Variants in CPXM2 observed in about 807,000 individuals in gnomAD.
The protein encoded by CPXM2 is inactive carboxypeptidase-like protein X2.
Under a neutral mutation model 86.1 loss-of-function variants are expected in CPXM2, and 66 were observed. The ratio of observed to expected loss-of-function variants is 0.77; its 90% CI spans 0.63 to 0.94. The LOEUF (loss-of-function observed/expected upper bound fraction) is 0.94. CPXM2 is among the 40% of genes least tolerant of loss of function. The probability of loss-of-function intolerance (pLI) is 0.00; values close to 1 mark genes in which losing one functional copy is unlikely to be tolerated. For missense variants in CPXM2, 948 were observed against 1,026.3 expected, an observed-to-expected ratio of 0.92 and a Z score of 1.04; for synonymous variants, 388 against 400.2, an observed-to-expected ratio of 0.97 and a Z score of 0.36.
intron 4 of CPXM2, 100 bp downstream of exon 4, chr10:123,842,249 A>C: frequency 6.7e-7 from 1 of 1,500,874 alleles, no homozygotes; most frequent in African/African-American, 1.4e-5. Flanking sequence ...ACTGCCCATC[A>C]CCAAACACCT....
chr10:123,849,458 G>A (rs547297932), intron 3 of CPXM2, among the ~76,000 whole-genome samples: 22 of 37,124 alleles, frequency 5.9e-4, no homozygotes, highest in Non-Finnish European at 1.1e-3. Context: ...TTTTTTTTTT[G>A]AGATGGAGTT....
upstream of CPXM2, among the ~76,000 whole-genome samples, chr10:123,940,786 G>C (rs953706380): frequency 6.6e-6 from 1 of 152,182 alleles, no homozygotes; most frequent in Admixed American, 6.5e-5. Context: ...GGACAAGCCT[G>C]GTGCTTCTTC....
intron 3 of CPXM2, among the ~76,000 whole-genome samples, chr10:123,858,398 T>A (rs1195466545): frequency 1.3e-5 from 2 of 152,172 alleles, no homozygotes; most frequent in African/African-American, 2.4e-5. Context: ...GATGAATAAA[T>A]CAATGTGAGA....
At chr10:123,915,430 C>A (rs914651410) in intron 2 of CPXM2, among the ~76,000 whole-genome samples, 1 of 152,096 alleles carries the variant, frequency 6.6e-6, no homozygotes, top group East Asian at 1.9e-4. Context: ...TGATGGCAGG[C>A]GCCTGTAGTC....
chr10:123,788,017 T>C (rs1018808706), intron 6 of CPXM2, among the ~76,000 whole-genome samples: 10 of 152,088 alleles, frequency 6.6e-5, no homozygotes, highest in East Asian at 5.8e-4. Flanking sequence ...CGGTGGCTCA[T>C]GCCTGTAATC....
intron 3 of CPXM2, among the ~76,000 whole-genome samples, chr10:123,857,240 A>T (rs541705937): frequency 6.6e-6 from 1 of 152,234 alleles, no homozygotes; most frequent in East Asian, 1.9e-4. Flanking sequence ...AAAAGGAAGT[A>T]TTGAGTTATA....
chr10:123,943,627 G>A (rs556040687), upstream of CPXM2, among the ~76,000 whole-genome samples: 24 of 152,310 alleles, frequency 1.6e-4, no homozygotes, highest in Admixed American at 1.4e-3. Context: ...AATAACAAAC[G>A]AGGTCCTAAA....
intron 6 of CPXM2, among the ~76,000 whole-genome samples, chr10:123,784,061 C>T (rs1414454256): frequency 6.6e-6 from 1 of 152,150 alleles, no homozygotes; most frequent in Admixed American, 6.5e-5. Flanking sequence ...TGTTGGAGTC[C>T]TCACCCCCAG....
chr10:123,787,470 A>G (rs1254055701), intron 6 of CPXM2, among the ~76,000 whole-genome samples: 1 of 152,038 alleles, frequency 6.6e-6, no homozygotes, highest in Non-Finnish European at 1.5e-5. Context: ...AGTAACTGGG[A>G]TTACAGGCAC....
chr10:123,766,672 G>C (rs145146321), intron 10 of CPXM2, among the ~76,000 whole-genome samples: 1 of 152,130 alleles, frequency 6.6e-6, no homozygotes, highest in East Asian at 1.9e-4. Context: ...TAATATAACC[G>C]ACAGTGAGAA....
intron 6 of CPXM2, among the ~76,000 whole-genome samples, chr10:123,794,733 C>CCG (rs1847287271): frequency 8.6e-6 from 1 of 116,010 alleles, no homozygotes; most frequent in African/African-American, 3.7e-5. Context: ...TTATTTAAGA[C>CCG]CGTGTGTGTG....
At chr10:123,898,969 C>T (rs1261667499) in intron 2 of CPXM2, among the ~76,000 whole-genome samples, 4 of 152,156 alleles carry the variant, frequency 2.6e-5, no homozygotes, top group Non-Finnish European at 4.4e-5. Flanking sequence ...AGGCTGGTCT[C>T]GAACTCCTGA....
chr10:123,876,427 G>C (rs1299487148), intron 2 of CPXM2, among the ~76,000 whole-genome samples: 4 of 152,250 alleles, frequency 2.6e-5, no homozygotes, highest in Admixed American at 6.5e-5. Context: ...AGAAAGGAGG[G>C]AACCAGCACC....
intron 2 of CPXM2, among the ~76,000 whole-genome samples, chr10:123,935,851 TCAC>T (rs1265655665): frequency 2.5e-5 from 2 of 80,696 alleles, no homozygotes; most frequent in Admixed American, 2.5e-4. Flanking sequence ...TTGACCATCA[TCAC>T]CACCACCACC....
chr10:123,938,333 T>C (rs11511758), intron 2 of CPXM2, among the ~76,000 whole-genome samples: 113,567 of 152,122 alleles, frequency 0.75, 42,901 homozygotes, highest in East Asian at 0.98. Flanking sequence ...CCTTATATCA[T>C]GAAGCCAGTG....
At chr10:123,917,704 C>G (rs1017195583) in intron 2 of CPXM2, among the ~76,000 whole-genome samples, 1 of 152,178 alleles carries the variant, frequency 6.6e-6, no homozygotes, top group Non-Finnish European at 1.5e-5. Flanking sequence ...TCCCTGAATG[C>G]CTGCCATACT....
rs1435411422 is a variant in CPXM2 at position 123,767,005 on chromosome 10, T to C, written c.1447A>G (p.Ile483Val). 2 of 1,614,094 alleles carry C rather than the reference T, an allele frequency of 1.2e-6. No individual in the cohort carries two copies. The highest frequency in any genetic ancestry group is 2.2e-5 in the East Asian group (1 of 44,882). ...TTTTCCGACAGAAACCACTCAGGGATTGCAATATAGTGATTGGGAACTTTC... is the reference window on the plus strand; with the variant it reads ...TTTTCCGACAGAAACCACTCAGGGACTGCAATATAGTGATTGGGAACTTTC... ...PRKVPNHYIA[I>V]PEWFLSENAT... Residue 483 changes from isoleucine to valine, a missense_variant, in exon 10 of 14, where the codon ATC becomes GTC. Coordinates refer to ENST00000241305, the MANE Select transcript of CPXM2 (RefSeq NM_198148.3).
At chr10:123,829,202 T>C (rs1197452944) in intron 4 of CPXM2, among the ~76,000 whole-genome samples, 1 of 152,026 alleles carries the variant, frequency 6.6e-6, no homozygotes, top group Non-Finnish European at 1.5e-5. Flanking sequence ...ATGGCTAAAA[T>C]AAAAAATAGT....
intron 3 of CPXM2, among the ~76,000 whole-genome samples, chr10:123,843,704 T>C (rs1275290290): frequency 2.0e-5 from 3 of 152,192 alleles, no homozygotes; most frequent in Non-Finnish European, 4.4e-5. Context: ...AGTCCAGCTA[T>C]AGGCGTGAAC....
Sources: gnomAD v4.1 joint callset for allele counts (sites outside exome capture counted in the v4.1 genomes callset) on GRCh38, gnomAD v4.1.1 for gene constraint, MANE v1.5 for transcripts, NCBI Gene and HGNC (gene_info 2026-07-23, HGNC 2026-07-21) for gene names.